FAIM: variants seen among roughly 807,000 people sequenced by gnomAD.
FAIM encodes Fas apoptotic inhibitory molecule.
Under a neutral mutation model 21.2 loss-of-function variants are expected in FAIM, and 14 were observed. The observed-to-expected ratio is 0.66, with a 90% CI of 0.44 to 1.03. The LOEUF is 1.03. Ranked by LOEUF, FAIM falls within the 50% of genes least tolerant of loss-of-function variation. The probability of loss-of-function intolerance (pLI) is 0.00; values close to 1 mark genes in which losing one functional copy is unlikely to be tolerated. For missense variants in FAIM, 222 were observed against 247.1 expected (o/e 0.90, Z 0.68); for synonymous variants, 86 against 80.4 (o/e 1.07, Z -0.37).
At chr3:138,614,355 G>GT (rs1318685488) in intron 1 of FAIM, among the ~76,000 whole-genome samples, 1 of 152,016 alleles carries the variant, frequency 6.6e-6, no homozygotes, top group Non-Finnish European at 1.5e-5. Context: ...TGGGAGGATT[G>GT]TTTGAGCCCA....
At chr3:138,616,257 A>G (rs964493449) in intron 1 of FAIM, among the ~76,000 whole-genome samples, 1 of 152,236 alleles carries the variant, frequency 6.6e-6, no homozygotes, top group Non-Finnish European at 1.5e-5. Context: ...TAATCCTTGC[A>G]TAGAAAGCAG....
rs112488680 is a variant in FAIM, at chr3:138,611,359, A to T, written c.-17+2422A>T. Reference sequence around the variant, plus strand: ...CCATTTAAAGTATACAATTCTTTCTAATATAATTAACTTTTTGAAGTGGTA... The same window carrying T: ...CCATTTAAAGTATACAATTCTTTCTTATATAATTAACTTTTTGAAGTGGTA... On this transcript the variant is annotated intron_variant, in intron 1 of 5. Coordinates refer to ENST00000360570, the MANE Select transcript of FAIM (RefSeq NM_001033031.2). Among the ~76,000 whole-genome samples the T allele has an allele frequency of 4.1e-3, 621 of 152,126 alleles. 4 individuals carry two copies. Among genetic ancestry groups the T allele is most frequent in the African/African-American group, 0.014 (595 of 41,502 alleles).
At chr3:138,609,737 G>A (rs1273907855) in intron 1 of FAIM, among the ~76,000 whole-genome samples, 2 of 151,618 alleles carry the variant, frequency 1.3e-5, no homozygotes, top group African/African-American at 4.9e-5. Context: ...GTTTCTCCCT[G>A]ATGGTGAGCG....
intron 1 of FAIM, among the ~76,000 whole-genome samples, chr3:138,615,250 G>A (rs758804471): frequency 1.3e-5 from 2 of 152,202 alleles, no homozygotes; most frequent in Non-Finnish European, 2.9e-5. Context: ...TACCAAACAC[G>A]TATCTCTTTT....
intron 1 of FAIM, among the ~76,000 whole-genome samples, chr3:138,619,192 A>G (rs1003347386): frequency 6.6e-6 from 1 of 152,230 alleles, no homozygotes; most frequent in Non-Finnish European, 1.5e-5. Context: ...ATCTAAACAG[A>G]TTTTGAAAGT....
At chr3:138,619,671 A>G (rs368433430) in intron 1 of FAIM, 40 bp from the exon 2 acceptor site, 78 of 1,594,300 alleles carry the variant, frequency 4.9e-5, no homozygotes, top group Middle Eastern at 3.3e-4. Context: ...CTTTGCTGCA[A>G]TTCTGCTTTT....
At chr3:138,622,159 G>A in intron 3 of FAIM, 29 bp from the exon 4 acceptor site, 7 of 1,512,854 alleles carry the variant, frequency 4.6e-6, no homozygotes, top group Non-Finnish European at 6.3e-6. Flanking sequence ...TCTTCCATTT[G>A]TTTCATATTT....
At chr3:138,631,997 CA>C (rs893355105) in intron 5 of FAIM, among the ~76,000 whole-genome samples, 21 of 151,958 alleles carry the variant, frequency 1.4e-4, no homozygotes, top group African/African-American at 4.8e-4. Context: ...AGCTAATAGC[CA>C]GGGGGTTTAA....
chr3:138,627,970 T>G (rs1307609683), intron 4 of FAIM, among the ~76,000 whole-genome samples: 1 of 152,130 alleles, frequency 6.6e-6, no homozygotes, highest in Admixed American at 6.5e-5. Flanking sequence ...AGGCCATACT[T>G]CCTTCTCTTC....
chr3:138,609,036 C>G (rs2042720557), intron 1 of FAIM, 99 bp downstream of exon 1: 1 of 152,404 alleles, frequency 6.6e-6, no homozygotes, highest in South Asian at 2.1e-4. Context: ...GCACTCAGCC[C>G]CCCGGCGTCC....
At chr3:138,609,536 CT>C in intron 1 of FAIM, among the ~76,000 whole-genome samples, 1 of 9,142 alleles carries the variant, frequency 1.1e-4, no homozygotes, top group African/African-American at 4.8e-4. Context: ...TGCTGAAACT[CT>C]CTCTCTCTCT....
At chr3:138,618,886 CT>C (rs951016958) in intron 1 of FAIM, among the ~76,000 whole-genome samples, 2 of 152,160 alleles carry the variant, frequency 1.3e-5, no homozygotes, top group African/African-American at 4.8e-5. Flanking sequence ...AATCCCAAAT[CT>C]TCAAATGTGA....
chr3:138,616,750 A>G (rs1210273566), intron 1 of FAIM, among the ~76,000 whole-genome samples: 1 of 152,230 alleles, frequency 6.6e-6, no homozygotes, highest in Non-Finnish European at 1.5e-5. Context: ...TAGCATGAAC[A>G]AGAAAATTGA....
chr3:138,614,437 T>A (rs1056673158), intron 1 of FAIM, among the ~76,000 whole-genome samples: 1 of 151,304 alleles, frequency 6.6e-6, no homozygotes, highest in Non-Finnish European at 1.5e-5. Flanking sequence ...TGAGACCCTA[T>A]CTCAAAAAAC....
At chr3:138,632,863 G>A (rs868032271) in intron 5 of FAIM, 67 bp from the exon 6 acceptor site, 1 of 1,479,620 alleles carries the variant, frequency 6.8e-7, no homozygotes, top group South Asian at 1.3e-5. Context: ...CTTTTAGATG[G>A]TGTGAATGCT....
At chr3:138,630,338 C>T (rs1181297054) in intron 5 of FAIM, 1 of 151,978 alleles carries the variant, frequency 6.6e-6, no homozygotes, top group Non-Finnish European at 1.5e-5. Context: ...AAAGATGAAG[C>T]CACACGTGGT....
chr3:138,622,276 T>C lies in FAIM; in HGVS notation c.266T>C (p.Ile89Thr). The C allele has an allele frequency of 6.2e-7, 1 of 1,613,858 alleles. No homozygotes were observed. The highest frequency in any genetic ancestry group is 8.5e-7 in the Non-Finnish European group (1 of 1,179,956). Reference protein sequence around the residue: ...GAAKTKATINIDAISGFAYEY... With the variant: ...GAAKTKATINTDAISGFAYEY... ...GCAAAGACAAAAGCGACCATAAATA[T>C]AGACGCTATCAGTGGTTTTGCTTAT... Residue 89 changes from isoleucine to threonine, a missense_variant, in exon 4 of 6, where the codon ATA becomes ACA. Physicochemically the swap from Ile to Thr is moderately conservative, Grantham distance 89 (BLOSUM62 -1). Transcript: ENST00000360570.
At chr3:138,631,714 C>G (rs532912041) in intron 5 of FAIM, among the ~76,000 whole-genome samples, 1 of 152,240 alleles carries the variant, frequency 6.6e-6, no homozygotes, top group African/African-American at 2.4e-5. Flanking sequence ...ATATATTTGT[C>G]CAATTGCCAA....
Position 138,622,233 on chromosome 3 carries a change from A to T in FAIM, c.223A>T (p.Thr75Ser). ...EWMFKLVGKE[T>S]FYVGAAKTKA... ...GATGTTCAAATTAGTGGGCAAAGAAACATTCTATGTTGGAGCTGCAAAGAC... is the reference window on the plus strand; with the variant it reads ...GATGTTCAAATTAGTGGGCAAAGAATCATTCTATGTTGGAGCTGCAAAGAC... The change falls in exon 4 of 6, where the codon ACA becomes TCA. Residue 75 changes from threonine to serine, a missense_variant. Thr to Ser is a moderately conservative substitution (Grantham distance 58). Transcript: ENST00000360570. 2 of 1,613,240 alleles carry T rather than the reference A, an allele frequency of 1.2e-6. No homozygotes were observed. Among genetic ancestry groups the T allele is most frequent in the Non-Finnish European group, 1.7e-6 (2 of 1,179,814 alleles).
Sources: gnomAD v4.1 joint callset for allele counts (sites outside exome capture counted in the v4.1 genomes callset) on GRCh38, gnomAD v4.1.1 for gene constraint, MANE v1.5 for transcripts, NCBI Gene and HGNC (gene_info 2026-07-23, HGNC 2026-07-21) for gene names.